The following IL16 variants were observed in gnomAD, a reference collection of about 807,000 sequenced individuals.
The protein encoded by IL16 is interleukin 16.
In IL16, 67 loss-of-function variants were observed where a neutral mutation model predicts 110.1. The ratio of observed to expected loss-of-function variants is 0.61; its 90% CI spans 0.50 to 0.75. The LOEUF is 0.75. Among genes scored for constraint, IL16 ranks in the 30% least tolerant of loss-of-function variants. IL16 has a pLI of 0.00. For synonymous variants in IL16, 689 were observed against 662.9 expected (o/e 1.04, Z -0.61); for missense variants, 1,545 against 1,655.0 (o/e 0.93, Z 1.15).
chr15:81,255,350 A>G (rs1897908504), intron 2 of IL16, among the ~76,000 whole-genome samples: 2 of 152,260 alleles, frequency 1.3e-5, no homozygotes, highest in Non-Finnish European at 2.9e-5. Flanking sequence ...AGTGAAGCAC[A>G]TCAATTTCAC....
In IL16 at chr15:81,265,756, G is replaced by A. The variant is rs201076680; in HGVS notation, c.519G>A (p.Arg173=). Residue 173 remains arginine, a synonymous_variant, in exon 4 of 19, where the codon AGG becomes AGA. Coordinates refer to ENST00000683961, the MANE Select transcript of IL16 (RefSeq NM_172217.5). The stretch of plus-strand genomic sequence containing the variant: ...AGCCTTACTCTCTCTGCAGTAACAG[G>A]AAGTCCCTCTCTCAACAATTGGACT... The part of the protein sequence containing the change: ...DRQPYSLCSN[R]KSLSQQLDCP... 3.3e-4 allele frequency: 527 copies of A among 1,613,838 alleles called. 6 individuals carry two copies. The South Asian group carries it at 5.4e-3, about 17-fold the overall frequency.
chr15:81,306,687 G>A (rs1900583664), intron 18 of IL16, 142 bp downstream of exon 18: 22 of 1,002,370 alleles, frequency 2.2e-5, no homozygotes, highest in Non-Finnish European at 3.4e-5. Flanking sequence ...TCCTTTTAGG[G>A]CTCAATTCTG....
intron 16 of IL16, among the ~76,000 whole-genome samples, chr15:81,304,422 C>T (rs1207393297): frequency 6.6e-6 from 1 of 152,170 alleles, no homozygotes; most frequent in Non-Finnish European, 1.5e-5. Flanking sequence ...TCTGGCCAGT[C>T]ACCCTTGAGA....
chr15:81,230,352 G>A (rs760528357), intron 2 of IL16, among the ~76,000 whole-genome samples: 4 of 152,190 alleles, frequency 2.6e-5, no homozygotes, highest in Non-Finnish European at 5.9e-5. Flanking sequence ...CAAATGGAAG[G>A]CAGCTCAGTT....
chr15:81,227,458 A>G (rs1896827479), intron 2 of IL16, among the ~76,000 whole-genome samples: 1 of 152,156 alleles, frequency 6.6e-6, no homozygotes, highest in Non-Finnish European at 1.5e-5. Context: ...GGGGAAGGGC[A>G]TTGCAGGCAG....
At chr15:81,218,484 A>AT (rs1221132313) in intron 1 of IL16, among the ~76,000 whole-genome samples, 39 of 152,336 alleles carry the variant, frequency 2.6e-4, no homozygotes, top group South Asian at 1.9e-3. Flanking sequence ...AGAACCTGAT[A>AT]AAATTATTTC....
chr15:81,214,168 T>A (rs2082026232), intron 1 of IL16, among the ~76,000 whole-genome samples: 1 of 152,218 alleles, frequency 6.6e-6, no homozygotes, highest in Admixed American at 6.5e-5. Flanking sequence ...AGAAGGATTT[T>A]AGCTTTCTTT....
At position 81,238,833 on chromosome 15, in the gene IL16, T is replaced by TG. The variant is rs551697761; in HGVS notation, c.312+13122_312+13123insG. Among the ~76,000 whole-genome samples, 384 of 149,388 alleles carry TG rather than the reference T, an allele frequency of 2.6e-3. 2 individuals carry two copies. Among genetic ancestry groups the TG allele is most frequent in the African/African-American group, 9.5e-3 (370 of 39,122 alleles). On this transcript the variant is annotated intron_variant, in intron 2 of 18. Coordinates refer to ENST00000683961, the MANE Select transcript of IL16 (RefSeq NM_172217.5). ...CTAGCAATGAATTCTTTTAGTTTTTTTTTTTTTTTACCTGAGAATATCTTT... is the reference window on the plus strand; with the variant it reads ...CTAGCAATGAATTCTTTTAGTTTTTTGTTTTTTTTTACCTGAGAATATCTTT...
upstream of IL16, among the ~76,000 whole-genome samples, chr15:81,196,504 T>C (rs1895600022): frequency 6.6e-6 from 1 of 152,196 alleles, no homozygotes; most frequent in Non-Finnish European, 1.5e-5. Flanking sequence ...CTCAGCCTCC[T>C]GAGTAGCTGG....
chr15:81,292,803 T>A lies in IL16; in HGVS notation c.1668T>A (p.Ser556=). The change falls in exon 12 of 19, where the codon TCT becomes TCA. Residue 556 remains serine (S), a synonymous_variant. Transcript: ENST00000683961. ...LPLAREPVVL[S]IASSRLPQES... The stretch of plus-strand genomic sequence containing the variant: ...TGGCACGGGAGCCAGTGGTGCTTTC[T>A]ATAGCATCCTCCAGGCTGCCCCAGG... The A allele has an allele frequency of 6.2e-7, 1 of 1,614,100 alleles. No individual in the cohort carries two copies. The highest frequency in any genetic ancestry group is 1.7e-5 in the Admixed American group (1 of 60,026).
Position 81,306,003 on chromosome 15 carries a change from G to A in IL16, c.3516G>A (p.Gly1172=), listed in dbSNP as rs141233766. ...VLSINGKSLK[G]TTHHDALAIL... is the part of the protein sequence containing the mutation. ...CCATCAACGGCAAGTCTCTCAAGGG[G>A]ACCACGCACCATGATGCCTTGGCCA... Residue 1172 remains glycine, a synonymous_variant, in exon 17 of 19, where the codon GGG becomes GGA. Coordinates refer to ENST00000683961, the MANE Select transcript of IL16 (RefSeq NM_172217.5). The A allele has an allele frequency of 2.7e-4, 430 of 1,614,094 alleles. 1 individual carries two copies. Among genetic ancestry groups the A allele is most frequent in the Admixed American group, 2.2e-4 (13 of 60,012 alleles).
rs370949959 is a variant in IL16, at chr15:81,290,435, A to G, written c.1333-18A>G. 2.5e-6 allele frequency: 4 copies of G among 1,593,692 alleles called. No homozygotes were observed. Among genetic ancestry groups the G allele is most frequent in the Admixed American group, 1.7e-5 (1 of 58,822 alleles). Reference sequence around the variant, plus strand: ...GAGCTTCTACTGTTTGTTTGAGGAGATGACTGATATTTTCTAGGTCTCTGA... The same window carrying G: ...GAGCTTCTACTGTTTGTTTGAGGAGGTGACTGATATTTTCTAGGTCTCTGA... On this transcript the variant is annotated intron_variant, in intron 10 of 18. Coordinates refer to ENST00000683961, the MANE Select transcript of IL16 (RefSeq NM_172217.5).
chr15:81,222,745 G>GACACACACACACAC (rs71718505), intron 1 of IL16, among the ~76,000 whole-genome samples: 2 of 148,274 alleles, frequency 1.3e-5, no homozygotes, highest in South Asian at 4.3e-4. Context: ...CACACTCACA[G>GACACACACACACAC]ACACACACAC....
intron 10 of IL16, among the ~76,000 whole-genome samples, chr15:81,288,128 A>G (rs1028912351): frequency 2.6e-5 from 4 of 152,344 alleles, no homozygotes; most frequent in Admixed American, 2.0e-4. Context: ...GCCAGGCCAG[A>G]AAGGACAGGT....
intron 4 of IL16, among the ~76,000 whole-genome samples, chr15:81,266,533 T>C (rs1898390461): frequency 6.6e-6 from 1 of 152,152 alleles, no homozygotes; most frequent in African/African-American, 2.4e-5. Flanking sequence ...CCTACACACG[T>C]CCCACCAGCT....
chr15:81,189,645 T>C (rs1474212170), intron 1 of IL16, among the ~76,000 whole-genome samples: 1 of 152,042 alleles, frequency 6.6e-6, no homozygotes, highest in Admixed American at 6.6e-5. Context: ...AGGAGGTGAT[T>C]CTGAGCCAAG....
rs1297117395 is a variant in IL16 at position 81,312,409 on chromosome 15, C to T, written c.*3611C>T. The T allele has an allele frequency of 6.6e-6, 1 of 152,238 alleles. No individual in the cohort carries two copies. Among genetic ancestry groups the T allele is most frequent in the East Asian group, 1.9e-4 (1 of 5,188 alleles). 9.4% of individuals were successfully genotyped at this position (152,238 alleles called of 1,614,324 possible). ...GCCAGGGCCTGGAAGACAGAGACCT[C>T]CTGCCTCCGCCTCAGTAAGACGACA... On this transcript the variant is annotated 3_prime_UTR_variant, in exon 19 of 19. Transcript: ENST00000683961.
At position 81,296,380 on chromosome 15, in the gene IL16, C is replaced by A. The variant is rs17875579; in HGVS notation, c.1903-548C>A. ...TCTGCAACAGATTGAGGATGTCACCCTAGGTGCCACAGAGGGGAGCAATGG... is the reference window on the plus strand; with the variant it reads ...TCTGCAACAGATTGAGGATGTCACCATAGGTGCCACAGAGGGGAGCAATGG... On this transcript the variant is annotated intron_variant, in intron 12 of 18. Coordinates refer to ENST00000683961, the MANE Select transcript of IL16 (RefSeq NM_172217.5). 5.1e-3 allele frequency among the ~76,000 whole-genome samples: 774 copies of A among 152,314 alleles called. 2 individuals carry two copies. The highest frequency in any genetic ancestry group is 0.027 in the Middle Eastern group (8 of 294).
intron 1 of IL16, among the ~76,000 whole-genome samples, chr15:81,207,103 G>A (rs975031346): frequency 6.6e-6 from 1 of 151,968 alleles, no homozygotes; most frequent in Non-Finnish European, 1.5e-5. Context: ...AGGCGTGGTG[G>A]TGGGCGCCTG....
Sources: gnomAD v4.1 joint callset for allele counts (sites outside exome capture counted in the v4.1 genomes callset) on GRCh38, gnomAD v4.1.1 for gene constraint, MANE v1.5 for transcripts, NCBI Gene and HGNC (gene_info 2026-07-23, HGNC 2026-07-21) for gene names.